EOGT: variants seen among roughly 807,000 people sequenced by gnomAD.
The protein encoded by EOGT is EGF domain specific O-linked N-acetylglucosamine transferase.
In EOGT, 55 loss-of-function variants were observed where a neutral mutation model predicts 70.5. That is an observed-to-expected ratio of 0.78 (90% CI 0.63 to 0.98). The LOEUF (loss-of-function observed/expected upper bound fraction) is 0.98, where lower values mean the gene tolerates loss of function less well. EOGT is among the 50% of genes least tolerant of loss of function. The probability of loss-of-function intolerance (pLI) is 0.00; values close to 1 mark genes in which losing one functional copy is unlikely to be tolerated. For missense variants in EOGT, 703 were observed against 641.9 expected (o/e 1.10, Z -1.03); for synonymous variants, 246 against 217.1 (o/e 1.13, Z -1.17).
intron 15 of EOGT, among the ~76,000 whole-genome samples, chr3:68,981,338 C>T (rs1474521778): frequency 1.3e-5 from 2 of 152,150 alleles, no homozygotes; most frequent in Non-Finnish European, 2.9e-5. Context: ...ATTTATTGCA[C>T]AAATGAACTA....
Position 68,982,851 on chromosome 3 carries a change from C to G in EOGT, c.1174G>C (p.Val392Leu), listed in dbSNP as rs753760501. 1 of 1,603,582 alleles carries G rather than the reference C, an allele frequency of 6.2e-7. No homozygotes were observed. The highest frequency in any genetic ancestry group is 8.5e-7 in the Non-Finnish European group (1 of 1,175,110). ...QNELVNALKT[V>L]STFEVQIVDY... ...ACAATCTGGACTTCAAATGTAGATA[C>G]TGTTTTCAGTGCATTTACAAGCTGG... The change falls in exon 15 of 18, where the codon GTA becomes CTA. Residue 392 changes from valine (V) to leucine (L), a missense_variant. Transcript: ENST00000383701.
chr3:68,990,630 A>G (rs7426798), intron 10 of EOGT, among the ~76,000 whole-genome samples: 125,452 of 152,140 alleles, frequency 0.82, 51,914 homozygotes, highest in Admixed American at 0.86. Context: ...CTGAGATTAC[A>G]GAAACCACAC....
In EOGT at chr3:69,009,704, G is replaced by A. The variant is rs2091524903; in HGVS notation, c.143C>T (p.Pro48Leu). ...ASIRLPEEHI[P>L]FFLHNNRHIA... is the part of the protein sequence containing the mutation. ...ATGCCTATTGTTGTGCAAAAAGAAG[G>A]GAATGTGCTCCTCTGGCAAGCGGAT... is the stretch of plus-strand genomic sequence containing the variant. The change falls in exon 4 of 18, where the codon CCC becomes CTC. Residue 48 changes from proline (P) to leucine (L), a missense_variant. Physicochemically the swap from Pro to Leu is moderately conservative, Grantham distance 98. Transcript: ENST00000383701. The A allele has an allele frequency of 6.2e-7, 1 of 1,613,898 alleles. No homozygotes were observed. The highest frequency in any genetic ancestry group is 8.5e-7 in the Non-Finnish European group (1 of 1,180,028).
intron 3 of EOGT, 57 bp from the exon 4 acceptor site, chr3:69,009,917 ACAAC>A: frequency 1.7e-6 from 1 of 595,310 alleles, no homozygotes; most frequent in South Asian, 2.4e-5. Flanking sequence ...AGCCAAAACA[ACAAC>A]AACAACAACA....
rs1174188360 is a variant in EOGT at position 68,989,836 on chromosome 3, G to T, written c.832-819C>A. Among the ~76,000 whole-genome samples the T allele has an allele frequency of 2.0e-5, 3 of 151,618 alleles. No individual in the cohort carries two copies. The East Asian group carries it at 5.8e-4, about 29-fold the overall frequency. ...TCATGCTTGTAATTCCAGCGCTTTG[G>T]GAGGCAAAGTGGGAGGATCACTTGA... On this transcript the variant is annotated intron_variant, in intron 10 of 17. Transcript: ENST00000383701.
intron 14 of EOGT, among the ~76,000 whole-genome samples, chr3:68,985,867 C>A (rs12496083): frequency 0.36 from 54,433 of 152,078 alleles, 10,275 homozygotes; most frequent in East Asian, 0.54. Context: ...GGGAGCCTGA[C>A]GTGGGTCTCA....
chr3:68,984,955 C>T (rs142478707), intron 14 of EOGT, among the ~76,000 whole-genome samples: 6 of 152,122 alleles, frequency 3.9e-5, no homozygotes, highest in South Asian at 2.1e-4. Flanking sequence ...CCTTGACTCA[C>T]GCCCCCGTTA....
chr3:68,979,584 C>T (rs1297157624), intron 16 of EOGT, 84 bp downstream of exon 16: 1 of 1,421,434 alleles, frequency 7.0e-7, no homozygotes, highest in Non-Finnish European at 9.6e-7. Context: ...AATATTAAGC[C>T]TTTTGATGCT....
intron 14 of EOGT, 106 bp from the exon 15 acceptor site, chr3:68,982,978 T>A: frequency 1.6e-6 from 1 of 609,136 alleles, no homozygotes; most frequent in Non-Finnish European, 2.8e-6. Context: ...TTTCAGATAT[T>A]AAATATCATT....
chr3:69,002,617 C>T (rs1005771544), intron 8 of EOGT, among the ~76,000 whole-genome samples: 7 of 150,384 alleles, frequency 4.7e-5, no homozygotes, highest in Admixed American at 4.6e-4. Context: ...GCAGTGAGGC[C>T]TCTTTAAGGA....
chr3:68,984,227 TCACACA>T (rs375056353), intron 14 of EOGT, among the ~76,000 whole-genome samples: 2 of 148,946 alleles, frequency 1.3e-5, no homozygotes, highest in African/African-American at 2.5e-5. Context: ...TCTCTCACAC[TCACACA>T]CACACACACG....
At chr3:69,002,772 A>C (rs2091332916) in intron 8 of EOGT, among the ~76,000 whole-genome samples, 1 of 152,022 alleles carries the variant, frequency 6.6e-6, no homozygotes, top group Non-Finnish European at 1.5e-5. Flanking sequence ...CTCCCGCCTC[A>C]GCCTCCCAAG....
chr3:68,980,789 C>G (rs1304980273), intron 15 of EOGT, among the ~76,000 whole-genome samples: 1 of 152,192 alleles, frequency 6.6e-6, no homozygotes, highest in Non-Finnish European at 1.5e-5. Flanking sequence ...GTGAACATAC[C>G]CCTGCACTGC....
At chr3:68,991,121 A>T (rs1025314788) in intron 10 of EOGT, among the ~76,000 whole-genome samples, 5 of 152,238 alleles carry the variant, frequency 3.3e-5, no homozygotes, top group Non-Finnish European at 7.3e-5. Flanking sequence ...AGTAATCCTG[A>T]CTGATCCTTC....
chr3:69,008,454 T>C lies in EOGT; in HGVS notation c.285A>G (p.Pro95=). Residue 95 remains proline, a synonymous_variant, in exon 5 of 18, where the codon CCA becomes CCG. Transcript: ENST00000383701. The part of the protein sequence containing the change: ...SCKPEFRFGY[P]VCSYVDMGWT... Reference sequence around the variant, plus strand: ...ATCCCATGTCGACATAGCTGCAAACTGGGTAACCAAACCTGAACTCTGGTT... The same window carrying C: ...ATCCCATGTCGACATAGCTGCAAACCGGGTAACCAAACCTGAACTCTGGTT... 2 of 1,614,104 alleles carry C rather than the reference T, an allele frequency of 1.2e-6. No homozygotes were observed. Among genetic ancestry groups the C allele is most frequent in the Middle Eastern group, 1.6e-4 (1 of 6,062 alleles).
At chr3:68,979,491 G>C (rs1170614105) in intron 16 of EOGT, among the ~76,000 whole-genome samples, 177 bp downstream of exon 16, 1 of 152,162 alleles carries the variant, frequency 6.6e-6, no homozygotes, top group Non-Finnish European at 1.5e-5. Flanking sequence ...GCAATGGCAG[G>C]CTGCAGACTT....
intron 4 of EOGT, among the ~76,000 whole-genome samples, chr3:69,009,187 G>A (rs777189950): frequency 1.5e-4 from 23 of 152,094 alleles, no homozygotes; most frequent in Non-Finnish European, 2.9e-4. Flanking sequence ...TCCTATTTGA[G>A]GCCTTTCCAA....
chr3:68,989,748 C>CAAAAAAAA (rs56000169), intron 10 of EOGT, among the ~76,000 whole-genome samples: 1 of 93,236 alleles, frequency 1.1e-5, no homozygotes, highest in Non-Finnish European at 2.0e-5. Context: ...AACTCCATCT[C>CAAAAAAAA]AAAAAAAAAA....
chr3:69,004,665 C>G (rs1298677505), intron 7 of EOGT, among the ~76,000 whole-genome samples, 183 bp from the exon 8 acceptor site: 3 of 152,108 alleles, frequency 2.0e-5, no homozygotes. Flanking sequence ...CCTAATGTAT[C>G]CACAACCCAA....
Sources: gnomAD v4.1 joint callset for allele counts (sites outside exome capture counted in the v4.1 genomes callset) on GRCh38, gnomAD v4.1.1 for gene constraint, MANE v1.5 for transcripts, NCBI Gene and HGNC (gene_info 2026-07-23, HGNC 2026-07-21) for gene names.